CCDC88A: variants seen among roughly 807,000 people sequenced by gnomAD.
CCDC88A encodes the protein girdin.
CCDC88A carries 54 observed loss-of-function variants against 234.3 expected under a neutral mutation model. The ratio of observed to expected loss-of-function variants is 0.23; its 90% CI spans 0.19 to 0.29. The LOEUF (loss-of-function observed/expected upper bound fraction) is 0.29, where lower values mean the gene tolerates loss of function less well. Ranked by LOEUF, CCDC88A falls within the 10% of genes least tolerant of loss-of-function variation. The pLI is 1.00. For synonymous variants in CCDC88A, 753 were observed against 737.8 expected (o/e 1.02, Z -0.33); for missense variants, 1,832 against 2,123.4 (o/e 0.86, Z 2.70).
Position 55,335,219 on chromosome 2 carries a change from T to G in CCDC88A, c.1657-55A>C. 1 of 1,150,468 alleles carries G rather than the reference T, an allele frequency of 8.7e-7. No homozygotes were observed. Among genetic ancestry groups the G allele is most frequent in the Non-Finnish European group, 1.2e-6 (1 of 838,880 alleles). The allele number at this position is 1,150,468 out of a possible 1,614,324, so 71.3% of individuals were successfully genotyped here. On this transcript the variant is annotated intron_variant, in intron 14 of 32. Coordinates refer to ENST00000436346, the MANE Select transcript of CCDC88A (RefSeq NM_001365480.1). This position sits in a 1 kb window ranked among gnomAD's most constrained non-coding sequence, Gnocchi z 4.5. Reference sequence around the variant, plus strand: ...GTAATTGAGGAAAAACTAACTATGGTTTATCTCTTCCAAAAACTACCAAGA... The same window carrying G: ...GTAATTGAGGAAAAACTAACTATGGGTTATCTCTTCCAAAAACTACCAAGA...
chr2:55,408,872 G>C (rs75176407), intron 2 of CCDC88A, among the ~76,000 whole-genome samples: 40 of 152,238 alleles, frequency 2.6e-4, no homozygotes, highest in African/African-American at 8.9e-4. Context: ...TACTCTGTAA[G>C]TTCCTCCTGA....
At chr2:55,353,981 G>C (rs933482566) in intron 8 of CCDC88A, among the ~76,000 whole-genome samples, 2 of 152,100 alleles carry the variant, frequency 1.3e-5, no homozygotes, top group African/African-American at 4.8e-5. Context: ...TATATACCTA[G>C]GCTATATGGT....
chr2:55,318,053 T>C (rs1683184844), intron 19 of CCDC88A, among the ~76,000 whole-genome samples: 1 of 152,114 alleles, frequency 6.6e-6, no homozygotes, highest in Non-Finnish European at 1.5e-5. Context: ...TATGTATGTG[T>C]GTATATATAG....
intron 2 of CCDC88A, among the ~76,000 whole-genome samples, chr2:55,394,897 G>C (rs1197890601): frequency 1.3e-5 from 2 of 151,816 alleles, no homozygotes; most frequent in African/African-American, 4.8e-5. Context: ...CCAGGCTGGA[G>C]TGCAATGGCA....
intron 5 of CCDC88A, among the ~76,000 whole-genome samples, chr2:55,370,371 A>C (rs1175094639): frequency 6.6e-6 from 1 of 152,072 alleles, no homozygotes; most frequent in Non-Finnish European, 1.5e-5. Flanking sequence ...GCCGGGCATG[A>C]TGACTCAAGC....
intron 8 of CCDC88A, among the ~76,000 whole-genome samples, chr2:55,354,032 A>T (rs1045598990): frequency 1.3e-5 from 2 of 152,222 alleles, no homozygotes; most frequent in African/African-American, 4.8e-5. Flanking sequence ...ATGTGACAGT[A>T]CTGAATACTG....
At chr2:55,301,809 A>G (rs1680932263) in intron 27 of CCDC88A, 63 bp downstream of exon 27, 1 of 1,394,178 alleles carries the variant, frequency 7.2e-7, no homozygotes, top group Non-Finnish European at 1.0e-6. Flanking sequence ...CACAGGGAAA[A>G]GTCAAATTAA....
chr2:55,386,864 A>G (rs1159630715), intron 3 of CCDC88A, among the ~76,000 whole-genome samples: 1 of 152,056 alleles, frequency 6.6e-6, no homozygotes, highest in Non-Finnish European at 1.5e-5. Flanking sequence ...ATTCTCAAAG[A>G]AAAACATGCA....
At position 55,291,667 on chromosome 2, in the gene CCDC88A, G is replaced by A. The variant is rs1364118158; in HGVS notation, c.*35+9C>T. 1.3e-5 allele frequency: 16 copies of A among 1,264,602 alleles called. No individual in the cohort carries two copies. In the Admixed American group the frequency reaches 3.0e-4, roughly 24 times the overall value. 78.3% of individuals were successfully genotyped at this position (1,264,602 alleles called of 1,614,324 possible). On this transcript the variant is annotated intron_variant, in intron 32 of 32. Coordinates refer to ENST00000436346, the MANE Select transcript of CCDC88A (RefSeq NM_001365480.1). ...CTAATCTCATTTACATTTTAAGCAG[G>A]AAACTCACCACTTGGCCCACATGTC...
chr2:55,415,637 A>T (rs981674666), intron 2 of CCDC88A, among the ~76,000 whole-genome samples: 1 of 152,104 alleles, frequency 6.6e-6, no homozygotes, highest in African/African-American at 2.4e-5. Context: ...CAGAGTACTT[A>T]ACAGAGTTGA....
At chr2:55,354,566 TTTTC>T (rs1409162982) in intron 8 of CCDC88A, among the ~76,000 whole-genome samples, 2 of 151,454 alleles carry the variant, frequency 1.3e-5, no homozygotes, top group South Asian at 2.1e-4. Context: ...CTTATGCTTT[TTTTC>T]TTTCTTTTTT....
At chr2:55,301,346 C>A in intron 27 of CCDC88A, 69 bp from the exon 28 acceptor site, 1 of 794,502 alleles carries the variant, frequency 1.3e-6, no homozygotes, top group Non-Finnish European at 2.0e-6. Context: ...ATTTTATTTA[C>A]ATAGAATATG....
chr2:55,402,192 C>T (rs891396901), intron 2 of CCDC88A, among the ~76,000 whole-genome samples: 3 of 152,006 alleles, frequency 2.0e-5, no homozygotes, highest in Non-Finnish European at 2.9e-5. Context: ...TATTAATTCA[C>T]CTAAATGTAA....
At chr2:55,369,865 G>A (rs375169668) in intron 5 of CCDC88A, among the ~76,000 whole-genome samples, 8 of 151,860 alleles carry the variant, frequency 5.3e-5, no homozygotes, top group African/African-American at 9.7e-5. Context: ...ATTACATTAC[G>A]GTAATTATCA....
At chr2:55,382,127 AT>A (rs1486525061) in intron 3 of CCDC88A, among the ~76,000 whole-genome samples, 1 of 152,242 alleles carries the variant, frequency 6.6e-6, no homozygotes, top group African/African-American at 2.4e-5. Flanking sequence ...CATTTGTTTT[AT>A]AACACACATA....
intron 2 of CCDC88A, among the ~76,000 whole-genome samples, chr2:55,396,143 C>G (rs536161192): frequency 4.5e-4 from 68 of 151,992 alleles, no homozygotes; most frequent in Admixed American, 8.5e-4. Context: ...ACCTACTGTA[C>G]TGGCCACATT....
rs925841838 is a variant in CCDC88A at position 55,388,823 on chromosome 2, C to A, written c.228G>T (p.Met76Ile). 38 of 1,540,920 alleles carry A rather than the reference C, an allele frequency of 2.5e-5. No homozygotes were observed. Among genetic ancestry groups the A allele is most frequent in the Non-Finnish European group, 3.4e-5 (38 of 1,128,778 alleles). The change falls in exon 3 of 33, where the codon ATG becomes ATT. Residue 76 changes from methionine (M) to isoleucine (I), a missense_variant. By Grantham distance (10) the Met-to-Ile change is conservative (BLOSUM62 1). Transcript: ENST00000436346. Reference sequence around the variant, plus strand: ...GTCTCACCAAAATGGATAGATTGTGCATTCTAAGTGAGGCATCATTATTGA... The same window carrying A: ...GTCTCACCAAAATGGATAGATTGTGAATTCTAAGTGAGGCATCATTATTGA... ...KKVNNDASLR[M>I]HNLSILVRQI...
intron 7 of CCDC88A, among the ~76,000 whole-genome samples, chr2:55,358,233 T>C (rs1461972468): frequency 1.3e-5 from 2 of 152,240 alleles, no homozygotes; most frequent in Non-Finnish European, 2.9e-5. Flanking sequence ...AGAGGTATTA[T>C]GCCAGTTTTA....
intron 2 of CCDC88A, chr2:55,417,667 C>G (rs1034251818): frequency 6.6e-5 from 10 of 151,978 alleles, no homozygotes; most frequent in African/African-American, 2.4e-4. Flanking sequence ...CCTGTAGGAT[C>G]AACATGTACA....
Sources: allele counts gnomAD v4.1 joint callset (sites outside exome capture counted in the v4.1 genomes callset), GRCh38; gene constraint gnomAD v4.1.1; non-coding constraint Gnocchi (gnomAD v3.1); transcripts MANE v1.5; gene names NCBI Gene and HGNC (gene_info 2026-07-23, HGNC 2026-07-21).